Variants in STPG2 observed in about 807,000 individuals in gnomAD.
STPG2 encodes the protein sperm-tail PG-rich repeat-containing protein 2.
Under a neutral mutation model 54.2 loss-of-function variants are expected in STPG2, and 56 were observed. The observed-to-expected ratio is 1.03, with a 90% confidence interval of 0.83 to 1.29. The LOEUF is 1.29. STPG2 is among the 50% of genes most tolerant of loss of function. The pLI is 0.00. For missense variants in STPG2, 596 were observed against 544.9 expected (o/e 1.09, Z -0.93); for synonymous variants, 200 against 181.8 (o/e 1.10, Z -0.81).
chr4:97,458,558 G>T (rs1054408821), intron 4 of STPG2, among the ~76,000 whole-genome samples: 1 of 152,042 alleles, frequency 6.6e-6, no homozygotes, highest in Non-Finnish European at 1.5e-5. Context: ...AAACTTTTCA[G>T]TCACAAGAGG....
intron 8 of STPG2, among the ~76,000 whole-genome samples, chr4:97,913,129 G>A (rs2149201692): frequency 6.6e-6 from 1 of 152,246 alleles, no homozygotes; most frequent in Admixed American, 6.5e-5. Flanking sequence ...TAAGCTTCAA[G>A]GAAAATTCAG....
intron 7 of STPG2, among the ~76,000 whole-genome samples, chr4:97,944,553 C>A (rs1164743196): frequency 1.3e-5 from 2 of 151,960 alleles, no homozygotes; most frequent in Non-Finnish European, 2.9e-5. Flanking sequence ...CCTTGTGATA[C>A]TTTCTATTTT....
At chr4:97,987,626 A>G (rs1394653956) in intron 5 of STPG2, among the ~76,000 whole-genome samples, 2 of 152,150 alleles carry the variant, frequency 1.3e-5, no homozygotes, top group Admixed American at 1.3e-4. Context: ...ATCAATTCAA[A>G]TCGTCTGCTT....
At chr4:97,521,779 C>T (rs1731184850) in intron 4 of STPG2, among the ~76,000 whole-genome samples, 1 of 151,820 alleles carries the variant, frequency 6.6e-6, no homozygotes, top group African/African-American at 2.4e-5. Flanking sequence ...TCTTCCATGT[C>T]CCAACTTAAT....
At chr4:97,504,848 T>C (rs188487895) in intron 4 of STPG2, among the ~76,000 whole-genome samples, 1 of 152,142 alleles carries the variant, frequency 6.6e-6, no homozygotes, top group Non-Finnish European at 1.5e-5. Context: ...TCCCAGGGAC[T>C]ATTCAATGGC....
intron 4 of STPG2, among the ~76,000 whole-genome samples, chr4:97,468,973 A>C (rs1729857572): frequency 6.6e-6 from 1 of 152,100 alleles, no homozygotes; most frequent in Non-Finnish European, 1.5e-5. Flanking sequence ...CAACAGAACC[A>C]AAATAAAAAA....
chr4:98,040,406 G>A (rs755623321), intron 5 of STPG2, among the ~76,000 whole-genome samples: 154 of 151,580 alleles, frequency 1.0e-3, no homozygotes, highest in Non-Finnish European at 4.0e-4. Context: ...GCCAATGTCC[G>A]GAAAAATTTT....
intron 5 of STPG2, among the ~76,000 whole-genome samples, chr4:98,014,265 T>C (rs1735853741): frequency 6.6e-6 from 1 of 152,168 alleles, no homozygotes. Flanking sequence ...TCAATTTCCA[T>C]GTAGTTGTGT....
At chr4:97,936,697 A>C (rs1450363324) in intron 8 of STPG2, among the ~76,000 whole-genome samples, 2 of 152,172 alleles carry the variant, frequency 1.3e-5, no homozygotes, top group African/African-American at 4.8e-5. Flanking sequence ...AGAATGTTGA[A>C]CATTGGCCCC....
intron 4 of STPG2, among the ~76,000 whole-genome samples, chr4:97,477,550 C>G (rs1730105164): frequency 6.7e-6 from 1 of 149,180 alleles, no homozygotes; most frequent in African/African-American, 2.5e-5. Context: ...GATCTCGGCT[C>G]ACTGCAAGCT....
chr4:97,632,390 A>C (rs1721318707), intron 10 of STPG2, among the ~76,000 whole-genome samples: 1 of 151,942 alleles, frequency 6.6e-6, no homozygotes, highest in Non-Finnish European at 1.5e-5. Context: ...TAAAGACTAA[A>C]TGTCTGTTAA....
intron 10 of STPG2, among the ~76,000 whole-genome samples, chr4:97,627,964 A>G (rs1254576805): frequency 2.0e-5 from 3 of 152,262 alleles, no homozygotes; most frequent in Non-Finnish European, 1.5e-5. Flanking sequence ...TTTTTGTCCT[A>G]TTCAGACATT....
At chr4:97,707,790 C>T (rs1350537356) in intron 10 of STPG2, among the ~76,000 whole-genome samples, 1 of 151,818 alleles carries the variant, frequency 6.6e-6, no homozygotes, top group East Asian at 1.9e-4. Context: ...TATAAGGTAG[C>T]ATAGAATCGA....
At chr4:97,602,003 C>T (rs1028612877) in intron 10 of STPG2, among the ~76,000 whole-genome samples, 2 of 137,246 alleles carry the variant, frequency 1.5e-5, no homozygotes, top group Non-Finnish European at 3.0e-5. Context: ...TATTTTGTTG[C>T]TATTTACATA....
chr4:98,137,911 C>T (rs891949383), intron 1 of STPG2, among the ~76,000 whole-genome samples: 2 of 151,666 alleles, frequency 1.3e-5, no homozygotes, highest in Non-Finnish European at 3.0e-5. Flanking sequence ...TAAAAGTATA[C>T]GAGAAATATT....
chr4:97,717,467 T>C (rs1293216621), intron 9 of STPG2, among the ~76,000 whole-genome samples: 1 of 152,198 alleles, frequency 6.6e-6, no homozygotes, highest in Non-Finnish European at 1.5e-5. Flanking sequence ...CATGTGTTCC[T>C]AGCACTGATT....
chr4:98,116,302 G>C (rs565320910), intron 3 of STPG2, among the ~76,000 whole-genome samples: 1 of 151,804 alleles, frequency 6.6e-6, no homozygotes, highest in Admixed American at 6.6e-5. Flanking sequence ...TGTAAGTTAT[G>C]AGTGATTAGG....
intron 4 of STPG2, among the ~76,000 whole-genome samples, chr4:97,526,967 T>C (rs945710075): frequency 5.3e-5 from 8 of 151,976 alleles, no homozygotes; most frequent in South Asian, 2.1e-4. Context: ...GTGCTGATTA[T>C]TAAAAAGTTC....
intron 8 of STPG2, among the ~76,000 whole-genome samples, chr4:97,934,346 C>T (rs932195452): frequency 7.9e-5 from 12 of 152,272 alleles, no homozygotes; most frequent in African/African-American, 2.6e-4. Context: ...GTTGAATACC[C>T]TTTATTTCCT....
Sources: allele counts gnomAD v4.1 joint callset (sites outside exome capture counted in the v4.1 genomes callset), GRCh38; gene constraint gnomAD v4.1.1; transcripts MANE v1.5; gene names NCBI Gene and HGNC (gene_info 2026-07-23, HGNC 2026-07-21).